The following SAMTOR variants were observed in gnomAD, a reference collection of about 807,000 sequenced individuals.
SAMTOR encodes UPF0532 protein C7orf60.
At chr7:112,841,087 A>G in the SAMTOR span, among the ~76,000 whole-genome samples, 3 of 152,106 alleles carry the variant, frequency 2.0e-5, no homozygotes, top group African/African-American at 7.2e-5. Context: ...GGCCAAGGCA[A>G]TCCGGCAAGA....
At chr7:112,901,233 C>T in the SAMTOR span, among the ~76,000 whole-genome samples, 10 of 152,210 alleles carry the variant, frequency 6.6e-5, no homozygotes, top group Non-Finnish European at 1.0e-4. Flanking sequence ...AGTGAAGCTT[C>T]GTCTGTATTT....
the SAMTOR span, among the ~76,000 whole-genome samples, chr7:112,870,802 A>T: frequency 6.6e-6 from 1 of 151,924 alleles, no homozygotes; most frequent in Non-Finnish European, 1.5e-5. Flanking sequence ...CCCATCTCAC[A>T]TGTAATACAC....
chr7:112,850,910 G>T, the SAMTOR span, among the ~76,000 whole-genome samples: 1 of 152,100 alleles, frequency 6.6e-6, no homozygotes, highest in East Asian at 1.9e-4. Context: ...AAAGTCAGTA[G>T]CAATTCTATC....
At chr7:112,885,525 C>T in the SAMTOR span, among the ~76,000 whole-genome samples, 2 of 152,138 alleles carry the variant, frequency 1.3e-5, no homozygotes, top group South Asian at 4.1e-4. Flanking sequence ...CAAAATGCTG[C>T]CAGTCTCTTT....
At chr7:112,889,810 C>T in the SAMTOR span, among the ~76,000 whole-genome samples, 1 of 152,148 alleles carries the variant, frequency 6.6e-6, no homozygotes, top group Non-Finnish European at 1.5e-5. Context: ...CTCTCACCAC[C>T]CCCAACCCCT....
chr7:112,884,602 G>A, the SAMTOR span, among the ~76,000 whole-genome samples: 3 of 152,302 alleles, frequency 2.0e-5, no homozygotes, highest in Non-Finnish European at 4.4e-5. Flanking sequence ...TGGACTCCAT[G>A]TCTCACATCC....
At chr7:112,894,079 T>C in the SAMTOR span, among the ~76,000 whole-genome samples, 1 of 151,840 alleles carries the variant, frequency 6.6e-6, no homozygotes, top group Non-Finnish European at 1.5e-5. Context: ...TTTTTACTTG[T>C]ATACTTAAAG....
the SAMTOR span, among the ~76,000 whole-genome samples, chr7:112,829,422 G>GTAA: frequency 2.0e-5 from 3 of 152,066 alleles, no homozygotes; most frequent in Non-Finnish European, 4.4e-5. Flanking sequence ...TATAAACTGT[G>GTAA]TAAAAGTTTA....
the SAMTOR span, among the ~76,000 whole-genome samples, chr7:112,879,475 C>T: frequency 6.6e-6 from 1 of 152,052 alleles, no homozygotes; most frequent in East Asian, 1.9e-4. Context: ...AAGATAACAT[C>T]GCAGTGACAG....
At chr7:112,872,291 C>T in the SAMTOR span, among the ~76,000 whole-genome samples, 2 of 152,022 alleles carry the variant, frequency 1.3e-5, no homozygotes, top group South Asian at 2.1e-4. Context: ...ATTAAGTAGG[C>T]CTTATTCCTA....
At chr7:112,858,707 CA>C in the SAMTOR span, among the ~76,000 whole-genome samples, 4 of 152,058 alleles carry the variant, frequency 2.6e-5, no homozygotes, top group Non-Finnish European at 5.9e-5. Context: ...CAAGTTTTAA[CA>C]AGGCTATTTG....
At chr7:112,848,050 G>T in the SAMTOR span, among the ~76,000 whole-genome samples, 1 of 152,126 alleles carries the variant, frequency 6.6e-6, no homozygotes, top group Non-Finnish European at 1.5e-5. Context: ...CTACTCAAGA[G>T]GCTGAGGTGG....
At chr7:112,932,760 T>C in the SAMTOR span, among the ~76,000 whole-genome samples, 1 of 152,192 alleles carries the variant, frequency 6.6e-6, no homozygotes, top group Non-Finnish European at 1.5e-5. Context: ...CTAGGTGCTG[T>C]ACACAACTGT....
chr7:112,831,348 T>C, the SAMTOR span, among the ~76,000 whole-genome samples: 1 of 152,090 alleles, frequency 6.6e-6, no homozygotes, highest in Non-Finnish European at 1.5e-5. Context: ...TGGCATCACA[T>C]GATTAAGGTA....
At chr7:112,894,589 C>T in the SAMTOR span, among the ~76,000 whole-genome samples, 1 of 152,128 alleles carries the variant, frequency 6.6e-6, no homozygotes, top group Admixed American at 6.5e-5. Context: ...ATCTTACTTA[C>T]ATGGTGGCAG....
chr7:112,929,711 G>A, the SAMTOR span, among the ~76,000 whole-genome samples: 1 of 151,992 alleles, frequency 6.6e-6, no homozygotes, highest in Non-Finnish European at 1.5e-5. Context: ...AGACATGTGA[G>A]ACTGAGAGTA....
At chr7:112,914,098 T>C in the SAMTOR span, among the ~76,000 whole-genome samples, 1 of 152,170 alleles carries the variant, frequency 6.6e-6, no homozygotes, top group East Asian at 1.9e-4. Context: ...TACATATTTT[T>C]CTCTGAATTA....
the SAMTOR span, among the ~76,000 whole-genome samples, chr7:112,929,063 T>C: frequency 6.0e-4 from 91 of 152,060 alleles, no homozygotes; most frequent in Admixed American, 4.4e-3. Context: ...TGTATAAAAA[T>C]AATATTTTTT....
chr7:112,830,426 T>C, the SAMTOR span, among the ~76,000 whole-genome samples: 1 of 152,268 alleles, frequency 6.6e-6, no homozygotes, highest in East Asian at 1.9e-4. Flanking sequence ...TAGCCGTCTT[T>C]TGTCTTCCCT....
Sources: allele counts gnomAD v4.1 joint callset (sites outside exome capture counted in the v4.1 genomes callset), GRCh38; gene constraint gnomAD v4.1.1; transcripts MANE v1.5; gene names NCBI Gene and HGNC (gene_info 2026-07-23, HGNC 2026-07-21).